WNT8A: variants seen among roughly 807,000 people sequenced by gnomAD.
The protein encoded by WNT8A is Wnt family member 8A.
WNT8A carries 14 observed loss-of-function variants against 20.5 expected under a neutral mutation model. That is an observed-to-expected ratio of 0.68 (90% CI 0.45 to 1.07). The LOEUF (loss-of-function observed/expected upper bound fraction) is 1.07. Among genes scored for constraint, WNT8A ranks in the 50% least tolerant of loss-of-function variants. WNT8A has a pLI of 0.00. For synonymous variants in WNT8A, 167 were observed against 169.2 expected, an observed-to-expected ratio of 0.99 and a Z score of 0.10; for missense variants, 397 against 462.9, an observed-to-expected ratio of 0.86 and a Z score of 1.31.
chr5:138,088,164 A>G (rs987508786), intron 3 of WNT8A, among the ~76,000 whole-genome samples: 1 of 152,124 alleles, frequency 6.6e-6, no homozygotes, highest in Non-Finnish European at 1.5e-5. Context: ...AGAAATGAGA[A>G]AGCCGAAGAG....
At chr5:138,083,447 A>G (rs2151143564), upstream of WNT8A, among the ~76,000 whole-genome samples, 1 of 152,320 alleles carries the variant, frequency 6.6e-6, no homozygotes, top group South Asian at 2.1e-4. Flanking sequence ...AGCAGTTGCT[A>G]GAATGTGGTG....
chr5:138,079,062 G>A (rs539809856), upstream of WNT8A, among the ~76,000 whole-genome samples: 13 of 152,102 alleles, frequency 8.5e-5, no homozygotes, highest in South Asian at 2.7e-3. Context: ...CCATGAAGGC[G>A]GGTAGTAAGA....
chr5:138,082,048 G>A (rs1434152598), upstream of WNT8A, among the ~76,000 whole-genome samples: 1 of 152,168 alleles, frequency 6.6e-6, no homozygotes, highest in African/African-American at 2.4e-5. Flanking sequence ...AAGTGATCTG[G>A]ATGTTGTAAT....
At chr5:138,079,216 G>A (rs1322291296), upstream of WNT8A, among the ~76,000 whole-genome samples, 1 of 151,490 alleles carries the variant, frequency 6.6e-6, no homozygotes, top group Non-Finnish European at 1.5e-5. Flanking sequence ...TCCTGAGAGC[G>A]ACTGTTGCAT....
At chr5:138,089,422 AG>A (rs1750777168) in intron 4 of WNT8A, among the ~76,000 whole-genome samples, 1 of 152,162 alleles carries the variant, frequency 6.6e-6, no homozygotes, top group African/African-American at 2.4e-5. Flanking sequence ...GTAAATTAAC[AG>A]GGCCTTGTTG....
the WNT8A span, among the ~76,000 whole-genome samples, chr5:138,078,287 G>A: frequency 6.6e-6 from 1 of 152,008 alleles, no homozygotes; most frequent in Non-Finnish European, 1.5e-5. Context: ...ATGCATGGAG[G>A]CTCATTCTCC....
At chr5:138,082,785 G>A (rs1702315940), upstream of WNT8A, among the ~76,000 whole-genome samples, 5 of 152,038 alleles carry the variant, frequency 3.3e-5, no homozygotes, top group South Asian at 1.0e-3. Context: ...GCTGAGGCAG[G>A]AGAATTGCTC....
chr5:138,086,518 G>C (rs963735337), intron 2 of WNT8A, among the ~76,000 whole-genome samples: 3 of 151,976 alleles, frequency 2.0e-5, no homozygotes, highest in South Asian at 2.1e-4. Context: ...TCTATCTCTG[G>C]TTTTTACTTT....
At chr5:138,089,224 C>A (rs1468188596) in intron 4 of WNT8A, among the ~76,000 whole-genome samples, 155 bp downstream of exon 4, 4 of 152,184 alleles carry the variant, frequency 2.6e-5, no homozygotes. Flanking sequence ...CCAATTAAAT[C>A]TGAGCCAAGT....
At chr5:138,086,247 TCACTTTTTTACC>T (rs1489253400) in intron 2 of WNT8A, among the ~76,000 whole-genome samples, 1 of 152,130 alleles carries the variant, frequency 6.6e-6, no homozygotes, top group Non-Finnish European at 1.5e-5. Context: ...AGACAGGGTT[TCACTTTTTTACC>T]CAAGCTAGTT....
chr5:138,087,671 A>AG, intron 2 of WNT8A, 135 bp from the exon 3 acceptor site: 4 of 829,690 alleles, frequency 4.8e-6, no homozygotes, highest in African/African-American at 1.8e-5. Flanking sequence ...AAAAAAAAAA[A>AG]AAAGAAAGAA....
chr5:138,083,648 TG>T (rs1750565010), upstream of WNT8A, among the ~76,000 whole-genome samples: 1 of 151,922 alleles, frequency 6.6e-6, no homozygotes, highest in African/African-American at 2.4e-5. Context: ...GGACAGAGAG[TG>T]GGCTCTCACT....
Position 138,090,977 on chromosome 5 carries a change from T to G in WNT8A, c.1014T>G (p.Cys338Trp), listed in dbSNP as rs1444776706. The change falls in exon 5 of 5, where the codon TGT becomes TGG. Residue 338 changes from cysteine (C) to tryptophan (W), a missense_variant. Transcript: ENST00000506684. ...GTAACTGCAAATTCCAGTGGTGCTGTACGGTCAAGTGTGACCAGTGTAGGC... is the reference window on the plus strand; with the variant it reads ...GTAACTGCAAATTCCAGTGGTGCTGGACGGTCAAGTGTGACCAGTGTAGGC... Reference protein sequence around the residue: ...SSCNCKFQWCCTVKCDQCRHV... With the variant: ...SSCNCKFQWCWTVKCDQCRHV... 1 of 1,614,164 alleles carries G rather than the reference T, an allele frequency of 6.2e-7. No homozygotes were observed.
At chr5:138,078,991 G>A (rs900777250), upstream of WNT8A, among the ~76,000 whole-genome samples, 4 of 151,972 alleles carry the variant, frequency 2.6e-5, no homozygotes, top group Non-Finnish European at 4.4e-5. Context: ...ATCTATTTAC[G>A]TGTTCTACCT....
upstream of WNT8A, among the ~76,000 whole-genome samples, chr5:138,083,647 G>A (rs1750564887): frequency 6.6e-6 from 1 of 152,202 alleles, no homozygotes; most frequent in Non-Finnish European, 1.5e-5. Flanking sequence ...AGGACAGAGA[G>A]TGGGCTCTCA....
At position 138,090,900 on chromosome 5, in the gene WNT8A, A is replaced by C; in HGVS notation, c.937A>C (p.Thr313Pro). 1 of 1,614,196 alleles carries C rather than the reference A, an allele frequency of 6.2e-7. No individual in the cohort carries two copies. The highest frequency in any genetic ancestry group is 8.5e-7 in the Non-Finnish European group (1 of 1,180,026). ...GCGACGTAGCTGTGGGCGCCTGTGC[A>C]CTGAGTGTGGGCTGCAGGTGGAAGA... ...WERRSCGRLC[T>P]ECGLQVEERK... Residue 313 changes from threonine to proline, a missense_variant, in exon 5 of 5, where the codon ACT (threonine) becomes CCT (proline). Thr to Pro is a conservative substitution (Grantham distance 38). Transcript: ENST00000506684.
chr5:138,091,732 G>A (rs1005989523), downstream of WNT8A, among the ~76,000 whole-genome samples: 15 of 152,114 alleles, frequency 9.9e-5, no homozygotes, highest in African/African-American at 2.9e-4. Context: ...AGGCTGAAGT[G>A]AGAGGATCAC....
chr5:138,091,419 T>A lies in WNT8A; in HGVS notation c.*346T>A. On this transcript the variant is annotated 3_prime_UTR_variant, in exon 5 of 5. Transcript: ENST00000506684. ...CTTCAAAGTATTTGTTCCTTTAAATTTCAGACCATGTCCAACCCAGCTGTG... is the reference window on the plus strand; with the variant it reads ...CTTCAAAGTATTTGTTCCTTTAAATATCAGACCATGTCCAACCCAGCTGTG... The A allele has an allele frequency of 7.3e-7, 1 of 1,364,440 alleles. No homozygotes were observed. Among genetic ancestry groups the A allele is most frequent in the Non-Finnish European group, 9.7e-7 (1 of 1,030,384 alleles). 84.5% of individuals were successfully genotyped at this position (1,364,440 alleles called of 1,614,324 possible).
intron 2 of WNT8A, among the ~76,000 whole-genome samples, chr5:138,085,993 C>T (rs1236897341): frequency 1.3e-5 from 2 of 151,804 alleles, no homozygotes; most frequent in Non-Finnish European, 2.9e-5. Context: ...CAGTAGGTGG[C>T]AGTCAGGATG....
Sources: allele counts gnomAD v4.1 joint callset (sites outside exome capture counted in the v4.1 genomes callset), GRCh38; gene constraint gnomAD v4.1.1; transcripts MANE v1.5; gene names NCBI Gene and HGNC (gene_info 2026-07-23, HGNC 2026-07-21).